The following GRIK4 variants were observed in gnomAD, a reference collection of about 807,000 sequenced individuals.
GRIK4 encodes the protein glutamate receptor ionotropic, kainate 4.
In GRIK4, 40 loss-of-function variants were observed where a neutral mutation model predicts 104.9. That is an observed-to-expected ratio of 0.38 (90% CI 0.30 to 0.50). GRIK4 has a LOEUF of 0.50. Ranked by LOEUF, GRIK4 falls within the 20% of genes least tolerant of loss-of-function variation. GRIK4 has a pLI of 0.93. For synonymous variants in GRIK4, 485 were observed against 524.9 expected, an observed-to-expected ratio of 0.92 and a Z score of 1.04; for missense variants, 1,047 against 1,308.1, an observed-to-expected ratio of 0.80 and a Z score of 3.08.
At position 120,851,950 on chromosome 11, in the gene GRIK4, A is replaced by G. The variant is rs117560628; in HGVS notation, c.745-10009A>G. Among the ~76,000 whole-genome samples the G allele has an allele frequency of 8.0e-3, 1,211 of 152,320 alleles. 5 individuals are homozygous for G. Among genetic ancestry groups the G allele is most frequent in the Non-Finnish European group, 0.014 (923 of 68,030 alleles). On this transcript the variant is annotated intron_variant, in intron 8 of 20. Transcript: ENST00000527524. ...CTGGGATCTCTACGTGCCTGAGGCT[A>G]ATGTGTTGGGACCTGGGAAAGGAGA...
intron 3 of GRIK4, among the ~76,000 whole-genome samples, chr11:120,703,077 T>A (rs1337239484): frequency 6.6e-6 from 1 of 152,232 alleles, no homozygotes; most frequent in Non-Finnish European, 1.5e-5. Flanking sequence ...TTCTCGATGA[T>A]GGCAATGTTC....
At chr11:120,609,443 C>G (rs1005157616) in intron 1 of GRIK4, among the ~76,000 whole-genome samples, 1 of 150,646 alleles carries the variant, frequency 6.6e-6, no homozygotes, top group African/African-American at 2.4e-5. Flanking sequence ...CCCCTTTCCC[C>G]TTTCCCAAAG....
intron 3 of GRIK4, among the ~76,000 whole-genome samples, chr11:120,713,788 G>T (rs1477633722): frequency 6.6e-6 from 1 of 152,158 alleles, no homozygotes; most frequent in Non-Finnish European, 1.5e-5. Flanking sequence ...GTTCACTTAG[G>T]TGACTGCTTT....
At chr11:120,594,041 T>C (rs563845966) in intron 1 of GRIK4, among the ~76,000 whole-genome samples, 1 of 152,314 alleles carries the variant, frequency 6.6e-6, no homozygotes, top group African/African-American at 2.4e-5. Context: ...AGCCTCCTAA[T>C]TGGTTTTTCT....
At chr11:120,766,557 G>T (rs1156276777) in intron 3 of GRIK4, among the ~76,000 whole-genome samples, 1 of 152,196 alleles carries the variant, frequency 6.6e-6, no homozygotes, top group African/African-American at 2.4e-5. Flanking sequence ...CCAGTTTCGT[G>T]CTTGAAACCC....
intron 3 of GRIK4, among the ~76,000 whole-genome samples, chr11:120,787,670 C>G (rs1174062893): frequency 1.3e-4 from 20 of 151,168 alleles, no homozygotes; most frequent in Non-Finnish European, 2.4e-4. Context: ...ACTATGTTGG[C>G]CAGGCTGGTT....
intron 1 of GRIK4, among the ~76,000 whole-genome samples, chr11:120,649,338 G>A (rs907818370): frequency 6.6e-6 from 1 of 152,224 alleles, no homozygotes; most frequent in East Asian, 1.9e-4. Context: ...ACTTTCTGAC[G>A]ATGGTGGATA....
intron 1 of GRIK4, among the ~76,000 whole-genome samples, chr11:120,567,877 T>C (rs1238202428): frequency 6.6e-6 from 1 of 152,160 alleles, no homozygotes; most frequent in Non-Finnish European, 1.5e-5. Context: ...AAGATAGTTG[T>C]CTAGCATAAA....
intron 19 of GRIK4, among the ~76,000 whole-genome samples, chr11:120,979,801 G>T (rs560750016): frequency 6.6e-6 from 1 of 152,116 alleles, no homozygotes; most frequent in Non-Finnish European, 1.5e-5. Context: ...AGAGGAATGC[G>T]AGACCCTCTG....
chr11:120,855,516 C>A (rs986091874), intron 8 of GRIK4, among the ~76,000 whole-genome samples: 23 of 151,100 alleles, frequency 1.5e-4, no homozygotes, highest in Non-Finnish European at 3.2e-4. Context: ...CTAAAGGCTT[C>A]TCTCTCAACA....
intron 1 of GRIK4, among the ~76,000 whole-genome samples, chr11:120,520,609 C>T (rs1463047552): frequency 6.6e-6 from 1 of 152,120 alleles, no homozygotes; most frequent in Non-Finnish European, 1.5e-5. Flanking sequence ...GCAGTCCTGC[C>T]CCCACTGGAC....
At chr11:120,713,006 G>A (rs1213452685) in intron 3 of GRIK4, among the ~76,000 whole-genome samples, 2 of 152,174 alleles carry the variant, frequency 1.3e-5, no homozygotes, top group African/African-American at 4.8e-5. Flanking sequence ...TGGCTGGAGT[G>A]GGGATGAGAG....
intron 3 of GRIK4, among the ~76,000 whole-genome samples, chr11:120,734,380 A>G (rs1179758002): frequency 2.0e-5 from 3 of 152,098 alleles, no homozygotes; most frequent in African/African-American, 7.2e-5. Context: ...CCTAACCTGT[A>G]AGGTTTCCAC....
rs143775391 is a variant in GRIK4 at position 120,716,028 on chromosome 11, C to T, written c.82+55628C>T. Among the ~76,000 whole-genome samples the T allele has an allele frequency of 2.2e-3, 338 of 152,128 alleles. 1 individual carries two copies. The highest frequency in any genetic ancestry group is 7.4e-3 in the African/African-American group (307 of 41,502). ...TGGGCATGTGGGCAGTGGGGGAAGG[C>T]GGCTAACAGGCAGGCTGGAGCCTGA... is the stretch of plus-strand genomic sequence containing the variant. On this transcript the variant is annotated intron_variant, in intron 3 of 20. Transcript: ENST00000527524.
chr11:120,722,611 T>TC, intron 3 of GRIK4, among the ~76,000 whole-genome samples: 1 of 109,214 alleles, frequency 9.2e-6, no homozygotes, highest in Non-Finnish European at 2.1e-5. Flanking sequence ...CGAGACTCCA[T>TC]CAAAAAAAAA....
At chr11:120,545,571 G>A (rs749498418) in intron 1 of GRIK4, among the ~76,000 whole-genome samples, 2 of 152,180 alleles carry the variant, frequency 1.3e-5, no homozygotes, top group Admixed American at 6.5e-5. Context: ...ACTCAGGGAC[G>A]TTAAGTAACT....
rs116109381 is a variant in GRIK4 at position 120,758,846 on chromosome 11, T to C, written c.83-43847T>C. Among the ~76,000 whole-genome samples the C allele has an allele frequency of 7.8e-3, 1,185 of 152,312 alleles. 17 individuals carry two copies. The highest frequency in any genetic ancestry group is 0.026 in the African/African-American group (1,097 of 41,562). On this transcript the variant is annotated intron_variant, in intron 3 of 20. Transcript: ENST00000527524. ...AGGGACACTGGTATTCCGTGAAACA[T>C]AGTCTGGGAAATGCTGTTCCTTGTG...
In GRIK4 at chr11:120,905,539, G is replaced by GTGGT; in HGVS notation, c.1476+46_1476+47insTGGT. On this transcript the variant is annotated intron_variant, in intron 13 of 20. Transcript: ENST00000527524. This position sits in a 1 kb window ranked among gnomAD's most constrained non-coding sequence, Gnocchi z 5.1. ...CTGGGCCTGAGGGTGGGCTGGGAGG[G>GTGGT]ATTGGAAGAGCATGAGGTTGTGCTG... 1 of 503,048 alleles carries GTGGT rather than the reference G, an allele frequency of 2.0e-6. No homozygotes were observed. The highest frequency in any genetic ancestry group is 4.0e-6 in the Non-Finnish European group (1 of 248,896). 31.2% of individuals were successfully genotyped at this position (503,048 alleles called of 1,614,324 possible).
intron 3 of GRIK4, among the ~76,000 whole-genome samples, chr11:120,713,676 C>A (rs1385976715): frequency 6.6e-6 from 1 of 152,110 alleles, no homozygotes; most frequent in Non-Finnish European, 1.5e-5. Context: ...GGGGCTGGAA[C>A]TGGGAAACTC....
Sources: allele counts gnomAD v4.1 joint callset (sites outside exome capture counted in the v4.1 genomes callset), GRCh38; gene constraint gnomAD v4.1.1; non-coding constraint Gnocchi (gnomAD v3.1); transcripts MANE v1.5; gene names NCBI Gene and HGNC (gene_info 2026-07-23, HGNC 2026-07-21).